The following MOB3B variants were observed in gnomAD, a reference collection of about 807,000 sequenced individuals.
MOB3B encodes MOB kinase activator-like 2B.
In MOB3B, 7 loss-of-function variants were observed where a neutral mutation model predicts 18.7. The ratio of observed to expected loss-of-function variants is 0.37; its 90% CI spans 0.21 to 0.70. MOB3B has a LOEUF of 0.70. Ranked by LOEUF, MOB3B falls within the 30% of genes least tolerant of loss-of-function variation. The pLI is 0.52. For synonymous variants in MOB3B, 111 were observed against 99.9 expected (o/e 1.11, Z -0.66); for missense variants, 253 against 281.3 (o/e 0.90, Z 0.72).
chr9:27,363,281 T>G (rs1821300229), intron 2 of MOB3B, among the ~76,000 whole-genome samples: 1 of 152,108 alleles, frequency 6.6e-6, no homozygotes. Context: ...TTTGTTTGTT[T>G]TTGTGTTTTT....
intron 3 of MOB3B, 176 bp downstream of exon 3, chr9:27,358,858 G>C (rs1191256080): frequency 1.3e-6 from 1 of 772,722 alleles, no homozygotes; most frequent in Admixed American, 1.7e-5. Flanking sequence ...TTTGGTGACA[G>C]TGGACATCTT....
At chr9:27,489,654 G>C (rs1242167956) in intron 1 of MOB3B, among the ~76,000 whole-genome samples, 1 of 150,962 alleles carries the variant, frequency 6.6e-6, no homozygotes, top group East Asian at 1.9e-4. Context: ...TAGCTTCCAG[G>C]GCACTGGAGC....
At chr9:27,473,845 C>A (rs566713055) in intron 1 of MOB3B, among the ~76,000 whole-genome samples, 17 of 152,204 alleles carry the variant, frequency 1.1e-4, no homozygotes, top group Non-Finnish European at 2.1e-4. Context: ...GTGCAATAGA[C>A]TACATGTGTT....
intron 1 of MOB3B, among the ~76,000 whole-genome samples, chr9:27,481,106 A>C (rs1819641859): frequency 6.6e-6 from 1 of 152,202 alleles, no homozygotes; most frequent in Admixed American, 6.5e-5. Flanking sequence ...TAATCTCTGA[A>C]AGAATAAAAC....
chr9:27,527,272 T>A (rs1820450066), intron 1 of MOB3B, among the ~76,000 whole-genome samples: 1 of 152,236 alleles, frequency 6.6e-6, no homozygotes, highest in Non-Finnish European at 1.5e-5. Context: ...TGCTTCTGGG[T>A]TGCTGCTGCT....
intron 1 of MOB3B, among the ~76,000 whole-genome samples, chr9:27,459,418 T>A (rs544484311): frequency 4.7e-4 from 71 of 152,284 alleles, no homozygotes; most frequent in African/African-American, 1.5e-3. Context: ...TTGTTAGAAA[T>A]GTAGACTCTC....
At chr9:27,508,539 A>C (rs1374625446) in intron 1 of MOB3B, among the ~76,000 whole-genome samples, 1 of 152,186 alleles carries the variant, frequency 6.6e-6, no homozygotes, top group East Asian at 1.9e-4. Flanking sequence ...CAAGAAATTA[A>C]AACTAATTTT....
intron 3 of MOB3B, among the ~76,000 whole-genome samples, chr9:27,340,592 C>T (rs1820925655): frequency 6.6e-6 from 1 of 151,964 alleles, no homozygotes; most frequent in African/African-American, 2.4e-5. Flanking sequence ...CCTCATTCTG[C>T]AACTCTGTGC....
At chr9:27,384,393 G>C (rs1029512454) in intron 2 of MOB3B, among the ~76,000 whole-genome samples, 8 of 152,268 alleles carry the variant, frequency 5.3e-5, no homozygotes, top group African/African-American at 1.9e-4. Context: ...ATTGGTTCCA[G>C]AGATGGGACT....
At chr9:27,412,129 C>T (rs1484271339) in intron 2 of MOB3B, among the ~76,000 whole-genome samples, 1 of 142,064 alleles carries the variant, frequency 7.0e-6, no homozygotes, top group Non-Finnish European at 1.5e-5. Flanking sequence ...CAAAGGTGAT[C>T]AAAACAAAAC....
intron 2 of MOB3B, among the ~76,000 whole-genome samples, chr9:27,414,854 C>A (rs1822121912): frequency 6.6e-6 from 1 of 152,088 alleles, no homozygotes; most frequent in South Asian, 2.1e-4. Flanking sequence ...GATACTCTAA[C>A]CGCAGTTTTA....
intron 2 of MOB3B, among the ~76,000 whole-genome samples, chr9:27,383,543 A>C (rs972895240): frequency 4.6e-5 from 7 of 152,160 alleles, no homozygotes; most frequent in African/African-American, 1.7e-4. Context: ...GAATTGACAG[A>C]ATGGACTTGG....
intron 1 of MOB3B, among the ~76,000 whole-genome samples, chr9:27,467,127 A>C (rs1040887626): frequency 2.6e-5 from 4 of 152,210 alleles, no homozygotes; most frequent in South Asian, 2.1e-4. Flanking sequence ...AACAAGTTAA[A>C]AAAAAAGTTT....
chr9:27,463,419 A>G (rs1819324312), intron 1 of MOB3B, among the ~76,000 whole-genome samples: 1 of 152,086 alleles, frequency 6.6e-6, no homozygotes, highest in Non-Finnish European at 1.5e-5. Flanking sequence ...CTCTTTAGAC[A>G]GTTGGGTAGT....
chr9:27,385,957 C>T (rs1454896686), intron 2 of MOB3B, among the ~76,000 whole-genome samples: 8 of 152,260 alleles, frequency 5.3e-5, no homozygotes, highest in African/African-American at 1.7e-4. Flanking sequence ...GATTCGCTGA[C>T]ACTTTGCCCT....
At chr9:27,347,231 A>G (rs1821040725) in intron 3 of MOB3B, among the ~76,000 whole-genome samples, 1 of 152,244 alleles carries the variant, frequency 6.6e-6, no homozygotes, top group Non-Finnish European at 1.5e-5. Context: ...AAGTCCCTGA[A>G]CTAGGTTCCA....
intron 3 of MOB3B, among the ~76,000 whole-genome samples, chr9:27,346,317 C>T (rs951508074): frequency 6.6e-6 from 1 of 152,210 alleles, no homozygotes; most frequent in Admixed American, 6.5e-5. Flanking sequence ...TGTGTTATAG[C>T]AGCCCGAATG....
At chr9:27,345,747 G>A (rs550080983) in intron 3 of MOB3B, among the ~76,000 whole-genome samples, 5 of 152,258 alleles carry the variant, frequency 3.3e-5, no homozygotes, top group South Asian at 2.1e-4. Flanking sequence ...CACCTGAGTC[G>A]CTCAACTATG....
At chr9:27,356,340 T>G (rs1489094338) in intron 3 of MOB3B, among the ~76,000 whole-genome samples, 1 of 152,192 alleles carries the variant, frequency 6.6e-6, no homozygotes, top group Non-Finnish European at 1.5e-5. Context: ...GTTAAAAATG[T>G]CTGGTTAACC....
Sources: allele counts gnomAD v4.1 joint callset (sites outside exome capture counted in the v4.1 genomes callset), GRCh38; gene constraint gnomAD v4.1.1; transcripts MANE v1.5; gene names NCBI Gene and HGNC (gene_info 2026-07-23, HGNC 2026-07-21).